Variants in MXI1 observed in about 807,000 individuals in gnomAD.
The protein encoded by MXI1 is max-interacting protein 1.
A neutral mutation model predicts 36.9 loss-of-function variants in MXI1; 18 were observed. That is an observed-to-expected ratio of 0.49 (90% confidence interval 0.34 to 0.72). The LOEUF is 0.72. Among genes scored for constraint, MXI1 ranks in the 30% least tolerant of loss-of-function variants. The probability of loss-of-function intolerance (pLI) is 0.01; values close to 1 mark genes in which losing one functional copy is unlikely to be tolerated. For missense variants in MXI1, 304 were observed against 379.1 expected, an observed-to-expected ratio of 0.80 and a Z score of 1.64; for synonymous variants, 160 against 146.7, an observed-to-expected ratio of 1.09 and a Z score of -0.65.
intron 3 of MXI1, among the ~76,000 whole-genome samples, chr10:110,278,539 C>T (rs1286599895): frequency 6.6e-6 from 1 of 152,188 alleles, no homozygotes; most frequent in Non-Finnish European, 1.5e-5. Flanking sequence ...TAACCCTACC[C>T]TAGCTGGTCA....
chr10:110,230,648 T>C lies in MXI1; in HGVS notation c.407+2327T>C, dbSNP rs981123363. Among the ~76,000 whole-genome samples the C allele has an allele frequency of 9.2e-5, 14 of 152,232 alleles. 1 individual carries two copies. Among genetic ancestry groups the C allele is most frequent in the African/African-American group, 2.7e-4 (11 of 41,460 alleles). On this transcript the variant is annotated intron_variant, in intron 2 of 5. Coordinates refer to ENST00000332674, the MANE Select transcript of MXI1 (RefSeq NM_130439.3). Reference sequence around the variant, plus strand: ...TTGCCACTTATTTAAAATGCCTGCTTCATGGAAGTAAGGAGAGCTGAGGTA... The same window carrying C: ...TTGCCACTTATTTAAAATGCCTGCTCCATGGAAGTAAGGAGAGCTGAGGTA...
chr10:110,274,985 C>T (rs1238254870), intron 3 of MXI1, among the ~76,000 whole-genome samples: 1 of 150,386 alleles, frequency 6.6e-6, no homozygotes, highest in Non-Finnish European at 1.5e-5. Context: ...AGCGATTCTC[C>T]TGCCTCAGCC....
At chr10:110,209,975 T>G (rs1854468033) in intron 1 of MXI1, among the ~76,000 whole-genome samples, 1 of 128,884 alleles carries the variant, frequency 7.8e-6, no homozygotes. Flanking sequence ...CGGTCGGAGA[T>G]TCCTCAGCGT....
At chr10:110,242,008 C>CGGA (rs1238961815) in intron 2 of MXI1, among the ~76,000 whole-genome samples, 4 of 151,952 alleles carry the variant, frequency 2.6e-5, no homozygotes, top group African/African-American at 9.7e-5. Flanking sequence ...CTTTCTTTCT[C>CGGA]TAACACCATG....
intron 2 of MXI1, among the ~76,000 whole-genome samples, chr10:110,239,997 T>G (rs1855612086): frequency 6.6e-6 from 1 of 152,096 alleles, no homozygotes; most frequent in Admixed American, 6.6e-5. Context: ...TTGAACTTTA[T>G]GTGAATGGAG....
intron 3 of MXI1, among the ~76,000 whole-genome samples, chr10:110,260,183 T>C (rs1482732106): frequency 6.6e-6 from 1 of 152,002 alleles, no homozygotes; most frequent in Admixed American, 6.6e-5. Context: ...TCAGAAGACA[T>C]AATTTTTCCT....
intron 2 of MXI1, among the ~76,000 whole-genome samples, chr10:110,237,680 C>G (rs371345157): frequency 3.9e-5 from 6 of 152,334 alleles, no homozygotes; most frequent in East Asian, 3.9e-4. Context: ...CCTCAGGCCA[C>G]TCTCACATCT....
chr10:110,280,705 ATGT>A (rs1189604612), intron 5 of MXI1, among the ~76,000 whole-genome samples: 5 of 151,946 alleles, frequency 3.3e-5, no homozygotes, highest in African/African-American at 1.2e-4. Flanking sequence ...AAAAGAAATG[ATGT>A]TGTGCCTTTC....
chr10:110,248,452 G>A (rs1033668480), intron 3 of MXI1, among the ~76,000 whole-genome samples: 1 of 152,160 alleles, frequency 6.6e-6, no homozygotes, highest in Admixed American at 6.5e-5. Context: ...ATCACCCATA[G>A]TATTACTTTG....
intron 2 of MXI1, among the ~76,000 whole-genome samples, chr10:110,238,202 A>G (rs548085794): frequency 1.2e-4 from 19 of 152,176 alleles, no homozygotes; most frequent in African/African-American, 3.6e-4. Flanking sequence ...ATGGTTGTCA[A>G]TTCCCAGTAC....
chr10:110,235,696 AAT>A (rs1476038180), intron 2 of MXI1, among the ~76,000 whole-genome samples: 4 of 109,942 alleles, frequency 3.6e-5, no homozygotes, highest in Admixed American at 1.7e-4. Flanking sequence ...TCAAAAAATA[AAT>A]AAATAAATAA....
rs1857428265 is a variant in MXI1 at position 110,286,490 on chromosome 10, C to CT, written c.*1505dup. The CT allele has an allele frequency of 2.3e-5, 1 of 43,710 alleles. No individual in the cohort carries two copies. The highest frequency in any genetic ancestry group is 1.8e-3 in the East Asian group (1 of 564). The allele number at this position is 43,710 out of a possible 1,614,324, so 2.7% of individuals were successfully genotyped here. ...TAAATAATTTAACTACCCTTAATTA[C>CT]TTAAAAAAAAAAAAAAGCTTTATGA... On this transcript the variant is annotated 3_prime_UTR_variant, in exon 6 of 6. Coordinates refer to ENST00000332674, the MANE Select transcript of MXI1 (RefSeq NM_130439.3).
At chr10:110,233,115 T>G (rs1379046916) in intron 2 of MXI1, among the ~76,000 whole-genome samples, 1 of 152,152 alleles carries the variant, frequency 6.6e-6, no homozygotes, top group Non-Finnish European at 1.5e-5. Flanking sequence ...ATATATTTCT[T>G]CTCTTTAGTG....
Position 110,210,895 on chromosome 10 carries a change from C to T in MXI1, c.274+2813C>T, listed in dbSNP as rs1854495988. Among the ~76,000 whole-genome samples the T allele has an allele frequency of 2.0e-5, 3 of 152,278 alleles. No homozygotes were observed. In the South Asian group the frequency reaches 6.2e-4, roughly 32 times the overall value. On this transcript the variant is annotated intron_variant, in intron 1 of 5. Transcript: ENST00000332674. ...CGGCGCGCGCGGGGCTTGTTTTGCTCCAGAGCTCTGCTTTCCGAAACGCTT... is the reference window on the plus strand; with the variant it reads ...CGGCGCGCGCGGGGCTTGTTTTGCTTCAGAGCTCTGCTTTCCGAAACGCTT...
intron 3 of MXI1, among the ~76,000 whole-genome samples, chr10:110,252,446 AG>A (rs1413944644): frequency 6.6e-6 from 1 of 152,052 alleles, no homozygotes; most frequent in Non-Finnish European, 1.5e-5. Flanking sequence ...TTTCCATCTT[AG>A]GGCTTTTGCA....
intron 5 of MXI1, among the ~76,000 whole-genome samples, chr10:110,282,288 T>G (rs1180847910): frequency 3.0e-5 from 4 of 133,884 alleles, no homozygotes; most frequent in Non-Finnish European, 7.2e-5. Context: ...ATTTGCTGAG[T>G]AGGAGCCTTT....
intron 2 of MXI1, among the ~76,000 whole-genome samples, chr10:110,235,894 CTACT>C (rs1855448168): frequency 6.6e-6 from 1 of 151,832 alleles, no homozygotes; most frequent in South Asian, 2.1e-4. Context: ...GTAATCCCAG[CTACT>C]TGGGAGGCTG....
intron 1 of MXI1, among the ~76,000 whole-genome samples, chr10:110,219,478 C>T (rs1271217943): frequency 6.6e-6 from 1 of 152,138 alleles, no homozygotes; most frequent in African/African-American, 2.4e-5. Context: ...AGCCTTGGTA[C>T]CCCCTGGGAG....
At chr10:110,243,651 T>A (rs777762106) in intron 2 of MXI1, among the ~76,000 whole-genome samples, 3 of 152,164 alleles carry the variant, frequency 2.0e-5, no homozygotes, top group African/African-American at 7.2e-5. Flanking sequence ...TTGTTGTTAA[T>A]GTTAAGTTAT....
Sources: allele counts gnomAD v4.1 joint callset (sites outside exome capture counted in the v4.1 genomes callset), GRCh38; gene constraint gnomAD v4.1.1; transcripts MANE v1.5; gene names NCBI Gene and HGNC (gene_info 2026-07-23, HGNC 2026-07-21).